Variants in LILRB2 observed in about 807,000 individuals in gnomAD.
The protein encoded by LILRB2 is leukocyte immunoglobulin like receptor B2.
A neutral mutation model predicts 72.7 loss-of-function variants in LILRB2; 47 were observed. The observed-to-expected ratio is 0.65, with a 90% CI of 0.51 to 0.82. LILRB2 has a LOEUF of 0.82. Ranked by LOEUF, LILRB2 falls within the 40% of genes least tolerant of loss-of-function variation. The pLI is 0.00. For synonymous variants in LILRB2, 279 were observed against 313.7 expected, an observed-to-expected ratio of 0.89 and a Z score of 1.17; for missense variants, 767 against 764.8, an observed-to-expected ratio of 1.00 and a Z score of -0.03.
At position 54,276,882 on chromosome 19, in the gene LILRB2, C is replaced by T. The variant is rs201896387; in HGVS notation, c.1405G>A (p.Val469Ile). 3,707 of 1,609,522 alleles carry T rather than the reference C, an allele frequency of 2.3e-3. 22 individuals carry two copies. Among genetic ancestry groups the T allele is most frequent in the South Asian group, 9.2e-3 (832 of 90,006 alleles). ...GVVIGILVAV[V>I]LLLLLLLLLF... ...AGGAGGAGGAGGAGGAGCAGTAGGA[C>T]GACGGCCACCAAGATGCCGATCACA... The change falls in exon 10 of 14, where the codon GTC becomes ATC. Residue 469 changes from valine (V) to isoleucine (I), a missense_variant. Val to Ile is a conservative substitution (Grantham distance 29). Around this residue, in one of 3 missense-constraint regions of LILRB2, gnomAD observed 162 missense variants for 176.7 expected, o/e 0.92. Coordinates refer to ENST00000314446, the MANE Select transcript of LILRB2 (RefSeq NM_001080978.4).
At chr19:54,280,162 T>A (rs569677347) in intron 3 of LILRB2, 87 bp from the exon 4 acceptor site, 1 of 1,609,594 alleles carries the variant, frequency 6.2e-7, no homozygotes, top group African/African-American at 1.3e-5. Flanking sequence ...GATGCCCCCA[T>A]CAGTCAGTCC....
In LILRB2 at chr19:54,278,558, C is replaced by G. The variant is rs377571428; in HGVS notation, c.960G>C (p.Gln320His). The G allele has an allele frequency of 3.1e-6, 5 of 1,613,994 alleles. No homozygotes were observed. The African/African-American group carries it at 6.7e-5, about 22-fold the overall frequency. ...SDPLDILITG[Q>H]IRGTPFISVQ... ...CTGAGATGAAGGGTGTGCCACGGAT[C>G]TGTCCTGGAGAGAAGAAGGATGGGT... The change falls in exon 7 of 14, where the codon CAG (glutamine) becomes CAC (histidine). Residue 320 changes from glutamine (Q) to histidine (H), a missense_variant. By Grantham distance (24) the Gln-to-His change is conservative. Transcript: ENST00000314446.
rs181184522 is a variant in LILRB2 at position 54,279,230 on chromosome 19, C to A, written c.658+115G>T. On this transcript the variant is annotated intron_variant, in intron 5 of 13. Coordinates refer to ENST00000314446, the MANE Select transcript of LILRB2 (RefSeq NM_001080978.4). ...TGTCTCTGGCCCCAGGACCCCTGAG[C>A]CCTCTCGCCCCAACATCATCCCACC... is the stretch of plus-strand genomic sequence containing the variant. 17 of 1,537,284 alleles carry A rather than the reference C, an allele frequency of 1.1e-5. No individual in the cohort carries two copies. In the Admixed American group the frequency reaches 2.9e-4, roughly 27 times the overall value.
Position 54,277,602 on chromosome 19 carries a change from T to C in LILRB2, c.1310-5A>G. 1 of 1,572,000 alleles carries C rather than the reference T, an allele frequency of 6.4e-7. No homozygotes were observed. Among genetic ancestry groups the C allele is most frequent in the Non-Finnish European group, 8.6e-7 (1 of 1,157,902 alleles). On this transcript the variant is annotated splice_region_variant and splice_polypyrimidine_tract_variant and intron_variant, in intron 8 of 13. Transcript: ENST00000314446. ...TGAGGGGCTGGTCCTCAGGGCCTGC[T>C]GGGTCAGGACGGGGAGGTGAGGGCT...
chr19:54,281,009 G>C lies in LILRB2; in HGVS notation c.-97C>G. The C allele has an allele frequency of 9.5e-7, 1 of 1,049,930 alleles. No homozygotes were observed. The highest frequency in any genetic ancestry group is 1.3e-6 in the Non-Finnish European group (1 of 757,100). 65.0% of individuals were successfully genotyped at this position (1,049,930 alleles called of 1,614,324 possible). ...TGGAGATGCTTCAGGGAAGACCCAG[G>C]TCCATGCTGCAGGCAGACTCAGATC... On this transcript the variant is annotated 5_prime_UTR_variant, in exon 1 of 14. Transcript: ENST00000314446.
chr19:54,275,002 C>G lies in LILRB2; in HGVS notation c.1648-173G>C, dbSNP rs1040306812. On this transcript the variant is annotated intron_variant, in intron 13 of 13. Transcript: ENST00000314446. ...GGAGGGAGGAGAGGCCATTTCTCTC[C>G]TAGGTCTGGAGTGTTTCACCGGGGC... 7 of 1,608,998 alleles carry G rather than the reference C, an allele frequency of 4.4e-6. No individual in the cohort carries two copies. In the African/African-American group the frequency reaches 6.7e-5, roughly 15 times the overall value.
intron 12 of LILRB2, 81 bp downstream of exon 12, chr19:54,276,183 C>A (rs2080212098): frequency 2.5e-6 from 4 of 1,601,542 alleles, no homozygotes; most frequent in Non-Finnish European, 2.6e-6. Flanking sequence ...CCCTTTCCAG[C>A]CGGTGCCCCT....
At position 54,279,656 on chromosome 19, in the gene LILRB2, G is replaced by C; in HGVS notation, c.356-9C>G. 1 of 1,603,000 alleles carries C rather than the reference G, an allele frequency of 6.2e-7. No individual in the cohort carries two copies. The highest frequency in any genetic ancestry group is 8.5e-7 in the Non-Finnish European group (1 of 1,171,576). Reference sequence around the variant, plus strand: ...GGGTTTTGGGTAGGCTCCTAGGAGAGAAGGAGGCATCGTGTTAAATGGGGC... The same window carrying C: ...GGGTTTTGGGTAGGCTCCTAGGAGACAAGGAGGCATCGTGTTAAATGGGGC... On this transcript the variant is annotated splice_polypyrimidine_tract_variant and intron_variant, in intron 4 of 13. Transcript: ENST00000314446.
chr19:54,276,659 A>G, intron 10 of LILRB2, 148 bp downstream of exon 10: 2 of 1,466,890 alleles, frequency 1.4e-6, no homozygotes, highest in Non-Finnish European at 1.8e-6. Context: ...TGTAGATGGG[A>G]CTGACGTTAA....
rs755735810 is a variant in LILRB2 at position 54,279,447 on chromosome 19, C to A, written c.556G>T (p.Val186Leu). ...SSRAIFSVGP[V>L]SPNRRWSHRC... ...TGCGACCACCTGCGATTCGGGCTCACGGGGCCCACGGAGAAGATGGCGCGG... is the reference window on the plus strand; with the variant it reads ...TGCGACCACCTGCGATTCGGGCTCAAGGGGCCCACGGAGAAGATGGCGCGG... The change falls in exon 5 of 14, where the codon GTG becomes TTG. Residue 186 changes from valine to leucine, a missense_variant. By Grantham distance (32) the Val-to-Leu change is conservative. Coordinates refer to ENST00000314446, the MANE Select transcript of LILRB2 (RefSeq NM_001080978.4). The A allele has an allele frequency of 1.2e-6, 2 of 1,614,222 alleles. No homozygotes were observed. The highest frequency in any genetic ancestry group is 3.3e-5 in the Admixed American group (2 of 60,030).
In LILRB2 at chr19:54,279,558, C is replaced by A. The variant is rs752410806; in HGVS notation, c.445G>T (p.Ala149Ser). 1 of 1,613,862 alleles carries A rather than the reference C, an allele frequency of 6.2e-7. No homozygotes were observed. The highest frequency in any genetic ancestry group is 8.5e-7 in the Non-Finnish European group (1 of 1,179,962). The part of the protein sequence containing the change: ...RVTLQCESQV[A>S]FGGFILCKEG... ...TTACACAGAATGAAGCCGCCAAATG[C>A]CACCTGTGACTCACACTGGAGGGTC... The change falls in exon 5 of 14, where the codon GCA becomes TCA. Residue 149 changes from alanine to serine, a missense_variant. Ala to Ser is a moderately conservative substitution (Grantham distance 99). Transcript: ENST00000314446.
At chr19:54,276,152 G>C (rs2147755267) in intron 12 of LILRB2, 112 bp downstream of exon 12, 23 of 1,555,976 alleles carry the variant, frequency 1.5e-5, no homozygotes, top group Non-Finnish European at 2.0e-5. Flanking sequence ...GGGGTGAGAT[G>C]ATCTCACCCT....
At position 54,277,908 on chromosome 19, in the gene LILRB2, G is replaced by T. The variant is rs143311942; in HGVS notation, c.1290C>A (p.Thr430=). The change falls in exon 8 of 14, where the codon ACC becomes ACA. Residue 430 remains threonine, a synonymous_variant. Coordinates refer to ENST00000314446, the MANE Select transcript of LILRB2 (RefSeq NM_001080978.4). ...GPSMGSSPPP[T]GPISTPGPED... Reference sequence around the variant, plus strand: ...ACTCACCAGGTGTGGAGATGGGACCGGTGGGTGGGGGGCTGGAACCCATGG... The same window carrying T: ...ACTCACCAGGTGTGGAGATGGGACCTGTGGGTGGGGGGCTGGAACCCATGG... The T allele has an allele frequency of 6.5e-7, 1 of 1,544,096 alleles. No individual in the cohort carries two copies. Among genetic ancestry groups the T allele is most frequent in the South Asian group, 1.2e-5 (1 of 83,242 alleles).
rs1442392708 is a variant in LILRB2 at position 54,274,297 on chromosome 19, T to C, written c.*386A>G. On this transcript the variant is annotated 3_prime_UTR_variant, in exon 14 of 14. Coordinates refer to ENST00000314446, the MANE Select transcript of LILRB2 (RefSeq NM_001080978.4). ...GGTTATTCTTTTTCTAAATTCCTTATACGAAAGCCAACGTCATTCATTTCC... is the reference window on the plus strand; with the variant it reads ...GGTTATTCTTTTTCTAAATTCCTTACACGAAAGCCAACGTCATTCATTTCC... The C allele has an allele frequency of 2.1e-5, 4 of 187,914 alleles. No homozygotes were observed. The highest frequency in any genetic ancestry group is 4.4e-5 in the Non-Finnish European group (4 of 90,862). The allele number at this position is 187,914 out of a possible 1,614,324, so 11.6% of individuals were successfully genotyped here.
chr19:54,280,199 G>A (rs1774444221), intron 3 of LILRB2, 65 bp downstream of exon 3: 10 of 1,612,870 alleles, frequency 6.2e-6, no homozygotes, highest in Admixed American at 5.0e-5. Context: ...ATCCCCAGCT[G>A]CACGGAGGTG....
Position 54,274,806 on chromosome 19 carries a change from C to A in LILRB2, c.1671G>T (p.Gln557His). 1 of 1,520,734 alleles carries A rather than the reference C, an allele frequency of 6.6e-7. No homozygotes were observed. Among genetic ancestry groups the A allele is most frequent in the Non-Finnish European group, 8.9e-7 (1 of 1,128,716 alleles). The allele number at this position is 1,520,734 out of a possible 1,614,324, so 94.2% of individuals were successfully genotyped here. A position where few individuals can be genotyped will look rare whatever the true frequency, so the allele number is the denominator to read the frequency against. The change falls in exon 14 of 14, where the codon CAG (glutamine) becomes CAT (histidine). Residue 557 changes from glutamine to histidine, a missense_variant. By Grantham distance (24) the Gln-to-His change is conservative. Transcript: ENST00000314446. ...TGTGCAGCTGGGCGTAGGTCACATC[C>A]TGGGGGGCTTCAGATGCAGCAGCCT... ...DTRAAASEAPQDVTYAQLHSL... is the reference protein window; with the variant it reads ...DTRAAASEAPHDVTYAQLHSL...
chr19:54,276,662 G>A, intron 10 of LILRB2, 145 bp downstream of exon 10: 1 of 1,473,452 alleles, frequency 6.8e-7, no homozygotes, highest in African/African-American at 1.4e-5. Context: ...AGATGGGACT[G>A]ACGTTAAGTG....
At chr19:54,276,071 C>A (rs1047652565) in intron 12 of LILRB2, 68 bp from the exon 13 acceptor site, 1 of 1,593,706 alleles carries the variant, frequency 6.3e-7, no homozygotes, top group African/African-American at 1.3e-5. Flanking sequence ...CCTGCCAGCC[C>A]CTGCCCTGCT....
chr19:54,276,177 T>G, intron 12 of LILRB2, 87 bp downstream of exon 12: 5 of 1,599,704 alleles, frequency 3.1e-6, no homozygotes, highest in Non-Finnish European at 4.3e-6. Flanking sequence ...CCCAGACCCT[T>G]TCCAGCCGGT....
Sources: gnomAD v4.1 joint callset for allele counts on GRCh38, gnomAD v4.1.1 for gene constraint, gnomAD v4.1.1 regional missense constraint, MANE v1.5 for transcripts, NCBI Gene and HGNC (gene_info 2026-07-23, HGNC 2026-07-21) for gene names.